Variants in KIF3C observed in about 807,000 individuals in gnomAD.
KIF3C encodes the protein kinesin-like protein KIF3C.
Under a neutral mutation model 67.7 loss-of-function variants are expected in KIF3C, and 12 were observed. The ratio of observed to expected loss-of-function variants is 0.18; its 90% CI spans 0.11 to 0.29. KIF3C has a LOEUF of 0.29. Ranked by LOEUF, KIF3C falls within the 10% of genes least tolerant of loss-of-function variation. The pLI is 1.00. For missense variants in KIF3C, 789 were observed against 1,059.6 expected (o/e 0.74, Z 3.55); for synonymous variants, 393 against 426.2 (o/e 0.92, Z 0.96).
Position 25,962,974 on chromosome 2 carries a change from AATATATAATATATAAT to A in KIF3C, c.1546-6546_1546-6531del, listed in dbSNP as rs1316209905. 2.1e-3 allele frequency among the ~76,000 whole-genome samples: 82 copies of A among 39,842 alleles called. 3 individuals are homozygous for A. Among genetic ancestry groups the A allele is most frequent in the African/African-American group, 0.016 (81 of 4,998 alleles). The allele number at this position is 39,842 out of a possible 152,430, so 26.1% of individuals were successfully genotyped here. On this transcript the variant is annotated intron_variant, in intron 1 of 7. Coordinates refer to ENST00000264712, the MANE Select transcript of KIF3C (RefSeq NM_002254.8). The stretch of plus-strand genomic sequence containing the variant: ...ATAATATATAATATATATAATATAT[AATATATAATATATAAT>A]ATATATAATATATAATATATAATAT...
In KIF3C at chr2:25,964,478, T is replaced by C. The variant is rs1331764700; in HGVS notation, c.1546-8034A>G. Among the ~76,000 whole-genome samples the C allele has an allele frequency of 5.9e-5, 9 of 152,128 alleles. No individual in the cohort carries two copies. In the East Asian group the frequency reaches 1.7e-3, roughly 29 times the overall value. On this transcript the variant is annotated intron_variant, in intron 1 of 7. Coordinates refer to ENST00000264712, the MANE Select transcript of KIF3C (RefSeq NM_002254.8). ...AAAACTTTTTGGTGATTTTTCTTTT[T>C]CCATTAGAGACGGGGTCTTGCTCTG...
intron 4 of KIF3C, among the ~76,000 whole-genome samples, chr2:25,952,296 G>A (rs939572242): frequency 2.7e-5 from 4 of 149,372 alleles, no homozygotes; most frequent in African/African-American, 5.0e-5. Flanking sequence ...GTGAGACTCC[G>A]TCTCAAAAAA....
intron 5 of KIF3C, among the ~76,000 whole-genome samples, chr2:25,946,205 A>T (rs1663428692): frequency 6.6e-6 from 1 of 152,226 alleles, no homozygotes; most frequent in Non-Finnish European, 1.5e-5. Context: ...CTGGCAAAGA[A>T]CTGACTCTCT....
At chr2:25,938,395 C>A (rs1400252220) in intron 5 of KIF3C, 1 of 383,050 alleles carries the variant, frequency 2.6e-6, no homozygotes, top group African/African-American at 2.1e-5. Context: ...ATTTTTGAAT[C>A]GGGCAACACC....
At chr2:25,961,851 G>A (rs961877126) in intron 1 of KIF3C, among the ~76,000 whole-genome samples, 2 of 151,936 alleles carry the variant, frequency 1.3e-5, no homozygotes, top group South Asian at 2.1e-4. Flanking sequence ...TTGGGAGGCC[G>A]AGGCAGGAGA....
intron 5 of KIF3C, among the ~76,000 whole-genome samples, chr2:25,948,352 C>T (rs372722928): frequency 2.4e-4 from 36 of 152,078 alleles, no homozygotes; most frequent in African/African-American, 6.5e-4. Context: ...CCGGACCTCA[C>T]GACCAGCCTA....
At chr2:25,978,323 G>A (rs985260497) in intron 1 of KIF3C, among the ~76,000 whole-genome samples, 8 of 152,264 alleles carry the variant, frequency 5.3e-5, no homozygotes, top group South Asian at 4.1e-4. Flanking sequence ...TGGGAGGATC[G>A]AATGAGATTA....
intron 5 of KIF3C, among the ~76,000 whole-genome samples, chr2:25,936,790 A>T (rs1178749637): frequency 6.6e-6 from 1 of 152,250 alleles, no homozygotes; most frequent in African/African-American, 2.4e-5. Context: ...ATTCACTTTC[A>T]GCAATTTGGT....
Position 25,981,156 on chromosome 2 carries a change from G to A in KIF3C, c.762C>T (p.Asn254=), listed in dbSNP as rs919617665. Residue 254 remains asparagine, a synonymous_variant, in exon 1 of 8, where the codon AAC becomes AAT. Transcript: ENST00000264712. This position sits in a 1 kb window ranked among gnomAD's most constrained non-coding sequence, Gnocchi z 8.2. Reference sequence around the variant, plus strand: ...CTCCCGCTGTGTTGGGGCCTGCCTTGTTCTGCCTCTCGCTGCCAGCCAGGT... The same window carrying A: ...CTCCCGCTGTGTTGGGGCCTGCCTTATTCTGCCTCTCGCTGCCAGCCAGGT... ...LVDLAGSERQ[N]KAGPNTAGGA... is the part of the protein sequence containing the mutation. The A allele has an allele frequency of 5.6e-6, 9 of 1,613,968 alleles. No individual in the cohort carries two copies. The highest frequency in any genetic ancestry group is 7.6e-6 in the Non-Finnish European group (9 of 1,180,042).
At chr2:25,944,312 A>C (rs1002160725) in intron 5 of KIF3C, among the ~76,000 whole-genome samples, 7 of 151,562 alleles carry the variant, frequency 4.6e-5, no homozygotes, top group Non-Finnish European at 8.8e-5. Context: ...ATTTGTATTT[A>C]AGTGTAGTAG....
intron 1 of KIF3C, among the ~76,000 whole-genome samples, chr2:25,970,012 G>A (rs1664238739): frequency 1.3e-5 from 2 of 152,170 alleles, no homozygotes; most frequent in African/African-American, 4.8e-5. Flanking sequence ...CACTGCACCC[G>A]GCCAAAGATT....
chr2:25,982,013 C>G lies in KIF3C; in HGVS notation c.-96G>C. 1 of 1,006,412 alleles carries G rather than the reference C, an allele frequency of 9.9e-7. No individual in the cohort carries two copies. The highest frequency in any genetic ancestry group is 1.7e-5 in the South Asian group (1 of 59,648). The allele number at this position is 1,006,412 out of a possible 1,614,324, so 62.3% of individuals were successfully genotyped here. Reference sequence around the variant, plus strand: ...GTCGGGATCAGCGGGGCCGGCCCAGCCCCCAGGCGCAGCTCTTCAATCCGC... The same window carrying G: ...GTCGGGATCAGCGGGGCCGGCCCAGGCCCCAGGCGCAGCTCTTCAATCCGC... On this transcript the variant is annotated 5_prime_UTR_variant, in exon 1 of 8. Transcript: ENST00000264712.
intron 1 of KIF3C, among the ~76,000 whole-genome samples, chr2:25,973,140 T>C (rs1251476694): frequency 1.3e-5 from 2 of 152,210 alleles, no homozygotes; most frequent in African/African-American, 4.8e-5. Flanking sequence ...GATCATCTGG[T>C]TCAACGGCTT....
intron 5 of KIF3C, among the ~76,000 whole-genome samples, chr2:25,940,842 G>A (rs1196890112): frequency 1.3e-5 from 2 of 151,414 alleles, no homozygotes; most frequent in African/African-American, 2.4e-5. Context: ...TAGTAGAGAC[G>A]GGGTTTCACC....
intron 5 of KIF3C, among the ~76,000 whole-genome samples, chr2:25,941,259 G>A (rs1348109915): frequency 2.0e-5 from 3 of 152,028 alleles, no homozygotes; most frequent in African/African-American, 7.2e-5. Flanking sequence ...AGCCATGATT[G>A]TGCCACTGCA....
At position 25,981,680 on chromosome 2, in the gene KIF3C, G is replaced by A; in HGVS notation, c.238C>T (p.Pro80Ser). 6.2e-7 allele frequency: 1 copy of A among 1,614,080 alleles called. No homozygotes were observed. Among genetic ancestry groups the A allele is most frequent in the East Asian group, 2.2e-5 (1 of 44,874 alleles). ...CCCTGGAGCACGGAGTCTATCAGGG[G>A]CCTCACGGTTTCGTCATACAGGTCG... Reference protein sequence around the residue: ...QADLYDETVRPLIDSVLQGFN... With the variant: ...QADLYDETVRSLIDSVLQGFN... The change falls in exon 1 of 8, where the codon CCC becomes TCC. Residue 80 changes from proline (P) to serine (S), a missense_variant. Around this residue, in one of 2 missense-constraint regions of KIF3C, gnomAD observed 141 missense variants for 251.8 expected, o/e 0.56. Coordinates refer to ENST00000264712, the MANE Select transcript of KIF3C (RefSeq NM_002254.8). The surrounding 1 kb of genome is among the most constrained non-coding windows in gnomAD (Gnocchi z 8.2).
At chr2:25,974,546 A>T (rs1025202738) in intron 1 of KIF3C, among the ~76,000 whole-genome samples, 2 of 152,104 alleles carry the variant, frequency 1.3e-5, no homozygotes, top group African/African-American at 4.8e-5. Context: ...TACTATTACT[A>T]TCCCATTTTA....
rs557218347 is a variant in KIF3C at position 25,930,783 on chromosome 2, C to T, written c.2007-720G>A. ...CGAACTCCCGACCTCAGGTGATCCACCCACCTCAACCTCCCGATGTACTGG... is the reference window on the plus strand; with the variant it reads ...CGAACTCCCGACCTCAGGTGATCCATCCACCTCAACCTCCCGATGTACTGG... On this transcript the variant is annotated intron_variant, in intron 5 of 7. Coordinates refer to ENST00000264712, the MANE Select transcript of KIF3C (RefSeq NM_002254.8). 2.6e-5 allele frequency among the ~76,000 whole-genome samples: 4 copies of T among 152,286 alleles called. No homozygotes were observed. The East Asian group carries it at 7.7e-4, about 29-fold the overall frequency.
rs1491001577 is a variant in KIF3C, at chr2:25,958,459, T to TA, written c.1546-2016dup. ...AGCTGGGTGTGGTGGCGTGCACCTG[T>TA]AGTCCTAGATACTCAGGAGGCTGAG... On this transcript the variant is annotated intron_variant, in intron 1 of 7. Transcript: ENST00000264712. The surrounding 1 kb of genome is among the most constrained non-coding windows in gnomAD (Gnocchi z 4.5). Among the ~76,000 whole-genome samples, 2 of 152,004 alleles carry TA rather than the reference T, an allele frequency of 1.3e-5. No individual in the cohort carries two copies. The highest frequency in any genetic ancestry group is 4.8e-5 in the African/African-American group (2 of 41,394).
Sources: allele counts gnomAD v4.1 joint callset (sites outside exome capture counted in the v4.1 genomes callset), GRCh38; gene constraint gnomAD v4.1.1; regional missense constraint gnomAD v4.1.1; non-coding constraint Gnocchi (gnomAD v3.1); transcripts MANE v1.5; gene names NCBI Gene and HGNC (gene_info 2026-07-23, HGNC 2026-07-21).